MTPAP: variants seen among roughly 807,000 people sequenced by gnomAD.
The protein encoded by MTPAP is mitochondrial poly(A) polymerase.
MTPAP carries 23 observed loss-of-function variants against 48.7 expected under a neutral mutation model. The ratio of observed to expected loss-of-function variants is 0.47; its 90% CI spans 0.34 to 0.67. The LOEUF (loss-of-function observed/expected upper bound fraction) is 0.67. Among genes scored for constraint, MTPAP ranks in the 30% least tolerant of loss-of-function variants. MTPAP has a pLI of 0.01. For missense variants in MTPAP, 614 were observed against 694.3 expected (o/e 0.88, Z 1.30); for synonymous variants, 257 against 254.1 (o/e 1.01, Z -0.11).
rs558394070 is a variant in MTPAP, at chr10:30,321,556, C to T, written c.1219+835G>A. On this transcript the variant is annotated intron_variant, in intron 6 of 8. Transcript: ENST00000263063. Reference sequence around the variant, plus strand: ...TGAAATGTTCCAAGGGTAATCACAGCACTGGCTGGAATGTGGGACACATAA... The same window carrying T: ...TGAAATGTTCCAAGGGTAATCACAGTACTGGCTGGAATGTGGGACACATAA... 2.0e-5 allele frequency among the ~76,000 whole-genome samples: 3 copies of T among 152,284 alleles called. No homozygotes were observed. In the East Asian group the frequency reaches 5.8e-4, roughly 29 times the overall value.
intron 4 of MTPAP, among the ~76,000 whole-genome samples, chr10:30,333,667 C>A (rs1834696795): frequency 6.6e-6 from 1 of 152,140 alleles, no homozygotes; most frequent in South Asian, 2.1e-4. Flanking sequence ...ATAATCGTAG[C>A]ACTTGGGGAG....
chr10:30,328,306 C>G (rs1468801294), intron 4 of MTPAP, among the ~76,000 whole-genome samples: 1 of 152,136 alleles, frequency 6.6e-6, no homozygotes, highest in Non-Finnish European at 1.5e-5. Context: ...AGGTTAGTGA[C>G]CAGAACTAAC....
At position 30,313,460 on chromosome 10, in the gene MTPAP, A is replaced by C. The variant is rs1840622287; in HGVS notation, c.*149T>G. ...CAAACTGAAAACATCCCAGAACTTC[A>C]GACCAGGTTAAGGGGGCCAATGAGA... On this transcript the variant is annotated 3_prime_UTR_variant, in exon 9 of 9. Transcript: ENST00000263063. 9.1e-7 allele frequency: 1 copy of C among 1,095,562 alleles called. No individual in the cohort carries two copies. Among genetic ancestry groups the C allele is most frequent in the African/African-American group, 1.6e-5 (1 of 64,120 alleles). 67.9% of individuals were successfully genotyped at this position (1,095,562 alleles called of 1,614,324 possible). A position where few individuals can be genotyped will look rare whatever the true frequency, so the allele number is the denominator to read the frequency against.
chr10:30,339,933 T>C (rs1834778564), intron 3 of MTPAP: 2 of 425,804 alleles, frequency 4.7e-6, no homozygotes, highest in South Asian at 4.6e-5. Flanking sequence ...AGGAACCATA[T>C]ACAATCTCAA....
chr10:30,323,745 C>T (rs906589973), intron 5 of MTPAP, among the ~76,000 whole-genome samples: 5 of 152,182 alleles, frequency 3.3e-5, no homozygotes, highest in Admixed American at 6.5e-5. Flanking sequence ...CTCCTGACCT[C>T]GTGATCCACT....
intron 5 of MTPAP, 134 bp downstream of exon 5, chr10:30,326,290 T>A: frequency 1.3e-6 from 1 of 799,118 alleles, no homozygotes; most frequent in Non-Finnish European, 2.0e-6. Flanking sequence ...TACTTTTCAA[T>A]CCAAGTGATA....
chr10:30,322,244 C>T, intron 6 of MTPAP, 147 bp downstream of exon 6: 1 of 700,876 alleles, frequency 1.4e-6, no homozygotes, highest in Non-Finnish European at 2.5e-6. Flanking sequence ...AAATCATCTG[C>T]TCTCGTGACT....
chr10:30,314,408 GT>G (rs1699044834), intron 8 of MTPAP, among the ~76,000 whole-genome samples: 2 of 152,004 alleles, frequency 1.3e-5, no homozygotes, highest in Non-Finnish European at 2.9e-5. Flanking sequence ...ACCTATTATG[GT>G]AGAAACAGGA....
intron 4 of MTPAP, among the ~76,000 whole-genome samples, chr10:30,329,341 C>A (rs1281711487): frequency 6.6e-6 from 1 of 152,088 alleles, no homozygotes; most frequent in African/African-American, 2.4e-5. Context: ...AATCCTCCAG[C>A]CTCAACCTTC....
chr10:30,336,802 C>A lies in MTPAP; in HGVS notation c.780+1G>T. The A allele has an allele frequency of 6.3e-7, 1 of 1,594,652 alleles. No homozygotes were observed. The highest frequency in any genetic ancestry group is 8.6e-7 in the Non-Finnish European group (1 of 1,163,980). The stretch of plus-strand genomic sequence containing the variant: ...ATAGTGGTCAAAAGAAATAGACTTA[C>A]CTTGTGAGCGCTGAGGTTTCTGGTT... On this transcript the variant is annotated splice_donor_variant, in intron 4 of 8. Transcript: ENST00000263063. LOFTEE classifies it high-confidence loss of function.
At chr10:30,331,130 A>G (rs796512764) in intron 4 of MTPAP, among the ~76,000 whole-genome samples, 103 of 152,360 alleles carry the variant, frequency 6.8e-4, no homozygotes, top group African/African-American at 2.5e-3. Context: ...AATTATACTT[A>G]TTATGAGCAA....
intron 1 of MTPAP, among the ~76,000 whole-genome samples, chr10:30,342,986 G>GA (rs1307762035): frequency 6.6e-6 from 1 of 152,066 alleles, no homozygotes; most frequent in Non-Finnish European, 1.5e-5. Context: ...AGTATAGAGA[G>GA]AAAAAAATTA....
intron 6 of MTPAP, among the ~76,000 whole-genome samples, chr10:30,319,863 T>C (rs1403136522): frequency 2.0e-5 from 3 of 152,228 alleles, no homozygotes; most frequent in Non-Finnish European, 4.4e-5. Flanking sequence ...TGCAAAAATT[T>C]AAAAACAATC....
intron 3 of MTPAP, among the ~76,000 whole-genome samples, chr10:30,339,496 A>G (rs1834773364): frequency 1.3e-5 from 2 of 152,018 alleles, no homozygotes; most frequent in African/African-American, 4.8e-5. Context: ...AAAAAAAAAA[A>G]AAAGAGAGAG....
At position 30,345,676 on chromosome 10, in the gene MTPAP, T is replaced by C. The variant is rs180770673; in HGVS notation, c.157+3443A>G. 2.6e-3 allele frequency among the ~76,000 whole-genome samples: 398 copies of C among 152,306 alleles called. 1 individual carries two copies. Among genetic ancestry groups the C allele is most frequent in the African/African-American group, 9.1e-3 (379 of 41,558 alleles). On this transcript the variant is annotated intron_variant, in intron 1 of 8. Coordinates refer to ENST00000263063, the MANE Select transcript of MTPAP (RefSeq NM_018109.4). Reference sequence around the variant, plus strand: ...CAAATTAAAAGGAAGAACTAATAAGTGCTAATATTTTATGACAGATTGAAA... The same window carrying C: ...CAAATTAAAAGGAAGAACTAATAAGCGCTAATATTTTATGACAGATTGAAA...
At position 30,310,686 on chromosome 10, in the gene MTPAP, G is replaced by A. The variant is rs1461461678; in HGVS notation, c.*2923C>T. ...AGGCTGAGACAGGTAGATCACTTGA[G>A]GTCAGGAATTCAAGACCAGCCTGGC... On this transcript the variant is annotated 3_prime_UTR_variant, in exon 9 of 9. Coordinates refer to ENST00000263063, the MANE Select transcript of MTPAP (RefSeq NM_018109.4). 1 of 151,758 alleles carries A rather than the reference G, an allele frequency of 6.6e-6. No individual in the cohort carries two copies. The highest frequency in any genetic ancestry group is 2.1e-4 in the South Asian group (1 of 4,810). The allele number at this position is 151,758 out of a possible 1,614,324, so 9.4% of individuals were successfully genotyped here.
At chr10:30,334,655 C>T (rs986606417) in intron 4 of MTPAP, among the ~76,000 whole-genome samples, 4 of 151,348 alleles carry the variant, frequency 2.6e-5, no homozygotes, top group Non-Finnish European at 2.9e-5. Flanking sequence ...AGTGAAGCTC[C>T]GTCTTAAAAA....
chr10:30,329,246 A>G (rs1834636008), intron 4 of MTPAP, among the ~76,000 whole-genome samples: 1 of 151,260 alleles, frequency 6.6e-6, no homozygotes, highest in Non-Finnish European at 1.5e-5. Context: ...AGAATCCAAA[A>G]AAAAAAGGGT....
intron 4 of MTPAP, among the ~76,000 whole-genome samples, chr10:30,334,955 C>T (rs1193663924): frequency 6.6e-6 from 1 of 152,102 alleles, no homozygotes; most frequent in East Asian, 1.9e-4. Context: ...CAAAAGATAA[C>T]AACTTAGAAG....
Sources: gnomAD v4.1 joint callset for allele counts (sites outside exome capture counted in the v4.1 genomes callset) on GRCh38, gnomAD v4.1.1 for gene constraint, MANE v1.5 for transcripts, NCBI Gene and HGNC (gene_info 2026-07-23, HGNC 2026-07-21) for gene names.